CSTPP1: variants seen among roughly 807,000 people sequenced by gnomAD.
The protein encoded by CSTPP1 is centriolar satellite-associated tubulin polyglutamylase complex regulator 1.
chr11:47,107,738 G>C, the CSTPP1 span, among the ~76,000 whole-genome samples: 6 of 152,046 alleles, frequency 3.9e-5, no homozygotes, highest in Admixed American at 2.6e-4. Flanking sequence ...TTCATATCTG[G>C]GAATTGAAGC....
the CSTPP1 span, chr11:47,052,361 A>C: frequency 6.2e-6 from 10 of 1,600,372 alleles, no homozygotes; most frequent in Non-Finnish European, 8.5e-6. Flanking sequence ...CCATCTAACA[A>C]TGACTTCTTG....
chr11:47,131,088 A>G, the CSTPP1 span, among the ~76,000 whole-genome samples: 1 of 152,160 alleles, frequency 6.6e-6, no homozygotes, highest in African/African-American at 2.4e-5. Context: ...ATGAATTTAG[A>G]CTGAGCCCCA....
the CSTPP1 span, among the ~76,000 whole-genome samples, chr11:47,014,209 A>AAAAAAAGAAAG: frequency 2.0e-5 from 3 of 151,582 alleles, no homozygotes; most frequent in African/African-American, 2.4e-5. Context: ...AGAGAGAAAG[A>AAAAAAAGAAAG]GAAAAAGAAA....
chr11:47,020,407 T>A, the CSTPP1 span, among the ~76,000 whole-genome samples: 1 of 152,220 alleles, frequency 6.6e-6, no homozygotes. Context: ...CTCTCTTTAA[T>A]ATTTAAACCC....
At chr11:47,161,317 G>A in the CSTPP1 span, 5 of 1,589,874 alleles carry the variant, frequency 3.1e-6, no homozygotes, top group Admixed American at 1.8e-5. Flanking sequence ...GGGTCTGGGG[G>A]CCAGTGGAGG....
At chr11:47,052,513 A>G in the CSTPP1 span, 1 of 1,613,494 alleles carries the variant, frequency 6.2e-7, no homozygotes, top group Non-Finnish European at 8.5e-7. Context: ...GTGGGCAAAA[A>G]TGGCGGTAAG....
At chr11:46,959,144 A>G in the CSTPP1 span, among the ~76,000 whole-genome samples, 1 of 151,952 alleles carries the variant, frequency 6.6e-6, no homozygotes, top group Non-Finnish European at 1.5e-5. Flanking sequence ...TATAAGATTT[A>G]ATCTTGCCTT....
chr11:47,050,267 C>T, the CSTPP1 span, among the ~76,000 whole-genome samples: 1 of 152,186 alleles, frequency 6.6e-6, no homozygotes, highest in Non-Finnish European at 1.5e-5. Flanking sequence ...TTCTACCTGG[C>T]ATCACTTACC....
chr11:47,139,586 A>C, the CSTPP1 span, among the ~76,000 whole-genome samples: 1 of 151,874 alleles, frequency 6.6e-6, no homozygotes, highest in East Asian at 1.9e-4. Flanking sequence ...AGGCAGGAGA[A>C]TCACTTGAAC....
At chr11:46,939,958 C>G in the CSTPP1 span, among the ~76,000 whole-genome samples, 8 of 152,168 alleles carry the variant, frequency 5.3e-5, no homozygotes, top group African/African-American at 1.7e-4. Context: ...GCAACCTCCA[C>G]TTCCTGGGTT....
At chr11:47,066,188 C>T in the CSTPP1 span, among the ~76,000 whole-genome samples, 5 of 148,360 alleles carry the variant, frequency 3.4e-5, no homozygotes, top group Non-Finnish European at 7.4e-5. Context: ...GTAGTGAAAG[C>T]AGGCATCTTT....
chr11:47,023,280 C>T, the CSTPP1 span: 1 of 152,730 alleles, frequency 6.5e-6, no homozygotes, highest in South Asian at 2.1e-4. Flanking sequence ...ACTTAACCCA[C>T]AAAATATCTT....
chr11:47,126,113 CA>C, the CSTPP1 span, among the ~76,000 whole-genome samples: 1 of 152,034 alleles, frequency 6.6e-6, no homozygotes, highest in Admixed American at 6.5e-5. Context: ...ATTGCAGATA[CA>C]GGCTTATAAT....
At chr11:47,135,992 T>TCG in the CSTPP1 span, among the ~76,000 whole-genome samples, 2 of 152,016 alleles carry the variant, frequency 1.3e-5, no homozygotes, top group East Asian at 3.9e-4. Flanking sequence ...TCTCTCTCTC[T>TCG]CTCTCATTTT....
the CSTPP1 span, among the ~76,000 whole-genome samples, chr11:46,955,120 A>G: frequency 1.3e-5 from 2 of 152,176 alleles, no homozygotes; most frequent in Admixed American, 6.5e-5. Flanking sequence ...AGCAGTAAAC[A>G]TGGAGTTACA....
At chr11:47,089,297 C>G in the CSTPP1 span, among the ~76,000 whole-genome samples, 10 of 152,154 alleles carry the variant, frequency 6.6e-5, no homozygotes, top group Admixed American at 4.6e-4. Flanking sequence ...ATAATTTCCT[C>G]TTTATGTATA....
chr11:46,948,816 C>G, the CSTPP1 span, among the ~76,000 whole-genome samples: 1 of 152,154 alleles, frequency 6.6e-6, no homozygotes, highest in Non-Finnish European at 1.5e-5. Flanking sequence ...TGAGCTTAAA[C>G]AGCAAGCATG....
the CSTPP1 span, among the ~76,000 whole-genome samples, chr11:47,056,286 C>T: frequency 0.76 from 115,183 of 152,110 alleles, 44,321 homozygotes; most frequent in African/African-American, 0.83. Flanking sequence ...GGGTCAGCTG[C>T]ATGTTGAAGA....
the CSTPP1 span, among the ~76,000 whole-genome samples, chr11:47,151,044 GC>G: frequency 2.0e-5 from 3 of 151,994 alleles, no homozygotes; most frequent in Admixed American, 2.0e-4. Flanking sequence ...GAGCCACTGT[GC>G]CCGGCCTCTG....
Sources: gnomAD v4.1 joint callset for allele counts (sites outside exome capture counted in the v4.1 genomes callset) on GRCh38, gnomAD v4.1.1 for gene constraint, MANE v1.5 for transcripts, NCBI Gene and HGNC (gene_info 2026-07-23, HGNC 2026-07-21) for gene names.